Variants in IBTK observed in about 807,000 individuals in gnomAD.
The protein encoded by IBTK is BTK-binding protein.
Under a neutral mutation model 154.9 loss-of-function variants are expected in IBTK, and 83 were observed. The ratio of observed to expected loss-of-function variants is 0.54; its 90% CI spans 0.45 to 0.64. The LOEUF is 0.64. Ranked by LOEUF, IBTK falls within the 30% of genes least tolerant of loss-of-function variation. The pLI is 0.00. For missense variants in IBTK, 1,332 were observed against 1,584.6 expected (o/e 0.84, Z 2.71); for synonymous variants, 515 against 536.1 (o/e 0.96, Z 0.54).
At chr6:82,238,713 T>A (rs1770826982) in intron 2 of IBTK, among the ~76,000 whole-genome samples, 1 of 152,048 alleles carries the variant, frequency 6.6e-6, no homozygotes, top group African/African-American at 2.4e-5. Context: ...AGTGCTGAGA[T>A]TACAGGCGTG....
chr6:82,192,657 G>A (rs1476792643), intron 23 of IBTK, among the ~76,000 whole-genome samples: 1 of 150,942 alleles, frequency 6.6e-6, no homozygotes, highest in Non-Finnish European at 1.5e-5. Context: ...TGAGGCAGGA[G>A]AACCGCTTGA....
chr6:82,234,164 T>C lies in IBTK; in HGVS notation c.413A>G (p.Asn138Ser). 1 of 1,563,248 alleles carries C rather than the reference T, an allele frequency of 6.4e-7. No homozygotes were observed. Among genetic ancestry groups the C allele is most frequent in the Non-Finnish European group, 8.8e-7 (1 of 1,139,784 alleles). Residue 138 changes from asparagine (N) to serine (S), a missense_variant, in exon 3 of 29, where the codon AAT becomes AGT. Physicochemically the swap from Asn to Ser is conservative, Grantham distance 46 (BLOSUM62 1). This residue lies in a region of IBTK where 114 missense variants were observed against 213.7 expected (regional missense o/e 0.53). Coordinates refer to ENST00000306270, the MANE Select transcript of IBTK (RefSeq NM_015525.4). Reference sequence around the variant, plus strand: ...CATTTGTGAAATTTTCTTACCAGTATTCTTGAATACTACATGAGTTGGTCT... The same window carrying C: ...CATTTGTGAAATTTTCTTACCAGTACTCTTGAATACTACATGAGTTGGTCT... ...KDRPTHVVFK[N>S]TDPTDVYTWG...
rs16893982 is a variant in IBTK, at chr6:82,193,284, G to C, written c.3338+1195C>G. ...GCCTATTGCTATGCATTTTGTCAAT[G>C]AGCATAGTACTGAAATAGCCTAATC... is the stretch of plus-strand genomic sequence containing the variant. On this transcript the variant is annotated intron_variant, in intron 23 of 28. Coordinates refer to ENST00000306270, the MANE Select transcript of IBTK (RefSeq NM_015525.4). Among the ~76,000 whole-genome samples, 1,496 of 152,192 alleles carry C rather than the reference G, an allele frequency of 9.8e-3. 25 individuals carry two copies. Among genetic ancestry groups the C allele is most frequent in the African/African-American group, 0.031 (1,305 of 41,516 alleles).
intron 27 of IBTK, 162 bp downstream of exon 27, chr6:82,173,205 T>C (rs1224941110): frequency 4.4e-6 from 2 of 458,230 alleles, no homozygotes; most frequent in African/African-American, 4.0e-5. Flanking sequence ...TTTTGCCATG[T>C]TGGCTAGGCT....
chr6:82,194,562 T>G lies in IBTK; in HGVS notation c.3255A>C (p.Ile1085=). Residue 1085 remains isoleucine, a synonymous_variant, in exon 23 of 29, where the codon ATA becomes ATC. Coordinates refer to ENST00000306270, the MANE Select transcript of IBTK (RefSeq NM_015525.4). ...EDLKPWEKSP[I]LKISAPQPIP... ...TAGGCTGTGGAGCAGATATTTTAAGTATTGGTGACTTTTCCCATGGTTTTA... is the reference window on the plus strand; with the variant it reads ...TAGGCTGTGGAGCAGATATTTTAAGGATTGGTGACTTTTCCCATGGTTTTA... 5 of 1,611,994 alleles carry G rather than the reference T, an allele frequency of 3.1e-6. No individual in the cohort carries two copies. Among genetic ancestry groups the G allele is most frequent in the Non-Finnish European group, 4.2e-6 (5 of 1,178,806 alleles).
chr6:82,215,016 CT>C (rs1769816022), intron 11 of IBTK, among the ~76,000 whole-genome samples, 187 bp from the exon 12 acceptor site: 1 of 151,896 alleles, frequency 6.6e-6, no homozygotes, highest in African/African-American at 2.4e-5. Flanking sequence ...TAATTTTTTT[CT>C]ATTCCTTTTT....
chr6:82,235,551 G>A (rs936684846), intron 2 of IBTK, among the ~76,000 whole-genome samples: 1 of 151,890 alleles, frequency 6.6e-6, no homozygotes, highest in Non-Finnish European at 1.5e-5. Context: ...CCGAGATCGC[G>A]CCACTGCACT....
chr6:82,200,333 A>C lies in IBTK; in HGVS notation c.2913-80T>G, dbSNP rs114405583. 4.9e-4 allele frequency: 474 copies of C among 972,564 alleles called. 1 individual carries two copies. In the African/African-American group the frequency reaches 5.8e-3, roughly 12 times the overall value. The allele number at this position is 972,564 out of a possible 1,614,324, so 60.2% of individuals were successfully genotyped here. A position where few individuals can be genotyped will look rare whatever the true frequency, so the allele number is the denominator to read the frequency against. On this transcript the variant is annotated intron_variant, in intron 20 of 28. Transcript: ENST00000306270. Reference sequence around the variant, plus strand: ...TGCACTTATTTAACCCAACATGTTTAACCTGAAGGCTACTTTTTAAAATAT... The same window carrying C: ...TGCACTTATTTAACCCAACATGTTTCACCTGAAGGCTACTTTTTAAAATAT...
intron 17 of IBTK, 26 bp downstream of exon 17, chr6:82,204,831 T>G (rs1769337322): frequency 7.6e-7 from 1 of 1,316,384 alleles, no homozygotes; most frequent in Admixed American, 1.9e-5. Flanking sequence ...GAAAACATAT[T>G]AATATTCAAA....
chr6:82,183,404 T>C (rs1415494639), intron 25 of IBTK, among the ~76,000 whole-genome samples: 1 of 151,432 alleles, frequency 6.6e-6, no homozygotes, highest in East Asian at 1.9e-4. Context: ...AGCAGGACTC[T>C]GACTCAAAAA....
At chr6:82,245,934 C>T (rs940503831) in intron 1 of IBTK, among the ~76,000 whole-genome samples, 5 of 148,720 alleles carry the variant, frequency 3.4e-5, no homozygotes, top group African/African-American at 9.9e-5. Flanking sequence ...AATTAAACAA[C>T]GGAAAAAACA....
intron 25 of IBTK, among the ~76,000 whole-genome samples, chr6:82,186,962 C>T (rs1455989052): frequency 1.5e-5 from 2 of 132,792 alleles, no homozygotes; most frequent in African/African-American, 5.8e-5. Flanking sequence ...GTTGCCCAGG[C>T]TGGAGTGTGG....
At position 82,240,426 on chromosome 6, in the gene IBTK, C is replaced by T; in HGVS notation, c.61G>A (p.Val21Ile). The T allele has an allele frequency of 1.2e-6, 2 of 1,614,172 alleles. No individual in the cohort carries two copies. Among genetic ancestry groups the T allele is most frequent in the East Asian group, 2.2e-5 (1 of 44,876 alleles). Residue 21 changes from valine (V) to isoleucine (I), a missense_variant, in exon 2 of 29, where the codon GTC becomes ATC. Val to Ile is a conservative substitution (Grantham distance 29, BLOSUM62 3). Coordinates refer to ENST00000306270, the MANE Select transcript of IBTK (RefSeq NM_015525.4). ...KCRSLKHALD[V>I]LSVVTKGSEN... ...CTCCCCTTTGTTACCACAGAAAGGA[C>T]ATCCAAAGCATGCTTCAGGGATCGA...
At chr6:82,197,579 G>T (rs960562237) in intron 21 of IBTK, among the ~76,000 whole-genome samples, 2 of 152,086 alleles carry the variant, frequency 1.3e-5, no homozygotes, top group Middle Eastern at 6.8e-3. Context: ...CACCATATTG[G>T]CCAGGCTGGT....
Position 82,225,660 on chromosome 6 carries a change from ATTAACT to A in IBTK, c.655-19_655-14del, listed in dbSNP as rs1181849184. ...CAAGCCGAGGGACCTACAAAATAAA[ATTAACT>A]TTAGTATACTACATTAACCATTTAT... On this transcript the variant is annotated splice_polypyrimidine_tract_variant and intron_variant, in intron 5 of 28. Transcript: ENST00000306270. 6.3e-7 allele frequency: 1 copy of A among 1,594,360 alleles called. No homozygotes were observed. The highest frequency in any genetic ancestry group is 8.5e-7 in the Non-Finnish European group (1 of 1,173,780).
intron 25 of IBTK, among the ~76,000 whole-genome samples, chr6:82,190,356 AAG>A (rs1268944286): frequency 1.1e-5 from 1 of 87,768 alleles, no homozygotes; most frequent in Non-Finnish European, 2.4e-5. Context: ...TTGTGAGAGA[AAG>A]AGAGTTCTAC....
chr6:82,214,319 A>G lies in IBTK; in HGVS notation c.2112T>C (p.Ser704=), dbSNP rs1407603159. ...CCCTAATATTTTTTCCTTTTTTACA[A>G]GATTTAGGTTTGCTCTTCTGCCTCT... ...VSERQKSKPK[S]CKKGKNIRED... is the part of the protein sequence containing the mutation. The change falls in exon 12 of 29, where the codon TCT becomes TCC. Residue 704 remains serine (S), a synonymous_variant. Transcript: ENST00000306270. The G allele has an allele frequency of 1.2e-6, 2 of 1,613,982 alleles. No individual in the cohort carries two copies. Among genetic ancestry groups the G allele is most frequent in the Non-Finnish European group, 8.5e-7 (1 of 1,179,978 alleles).
chr6:82,171,869 CTGT>C (rs1767937823), intron 28 of IBTK, among the ~76,000 whole-genome samples: 1 of 152,184 alleles, frequency 6.6e-6, no homozygotes, highest in Admixed American at 6.5e-5. Flanking sequence ...GAGATACTTT[CTGT>C]TGTTGTACAA....
At chr6:82,214,018 C>A (rs1769760469) in intron 12 of IBTK, among the ~76,000 whole-genome samples, 2 of 151,880 alleles carry the variant, frequency 1.3e-5, no homozygotes, top group African/African-American at 4.8e-5. Flanking sequence ...TGCAGTGGCG[C>A]AATCTCGGCT....
Sources: gnomAD v4.1 joint callset for allele counts (sites outside exome capture counted in the v4.1 genomes callset) on GRCh38, gnomAD v4.1.1 for gene constraint, gnomAD v4.1.1 regional missense constraint, MANE v1.5 for transcripts, NCBI Gene and HGNC (gene_info 2026-07-23, HGNC 2026-07-21) for gene names.